Variants in GKN2 observed in about 807,000 individuals in gnomAD.
The protein encoded by GKN2 is gastrokine-2.
GKN2 carries 17 observed loss-of-function variants against 22.7 expected under a neutral mutation model. The ratio of observed to expected loss-of-function variants is 0.75; its 90% CI spans 0.51 to 1.13. The LOEUF is 1.13. GKN2 is among the 50% of genes most tolerant of loss of function. The pLI, the probability that GKN2 is intolerant of heterozygous loss-of-function variation, is 0.00. For synonymous variants in GKN2, 82 were observed against 79.6 expected (o/e 1.03, Z -0.16); for missense variants, 248 against 221.4 (o/e 1.12, Z -0.76).
At chr2:68,950,654 C>T (rs1250058426) in intron 2 of GKN2, 48 bp downstream of exon 2, 2 of 1,550,648 alleles carry the variant, frequency 1.3e-6, no homozygotes, top group Admixed American at 1.7e-5. Context: ...CCTTCCCTTT[C>T]CTCTCCCAAC....
chr2:68,946,998 A>C, intron 4 of GKN2, 149 bp downstream of exon 4: 1 of 574,518 alleles, frequency 1.7e-6, no homozygotes, highest in South Asian at 2.4e-5. Flanking sequence ...ATAAAAGTAA[A>C]AACACTTTAA....
At chr2:68,948,241 G>A (rs569942346) in intron 3 of GKN2, among the ~76,000 whole-genome samples, 1,007 of 50,802 alleles carry the variant, frequency 0.02, 18 homozygotes, top group African/African-American at 0.069. Flanking sequence ...GCGAGACTCC[G>A]TCAAAAAAAA....
In GKN2 at chr2:68,945,433, C is replaced by G. The variant is rs746670104; in HGVS notation, c.490G>C (p.Gly164Arg). 1 of 1,609,560 alleles carries G rather than the reference C, an allele frequency of 6.2e-7. No individual in the cohort carries two copies. Among genetic ancestry groups the G allele is most frequent in the South Asian group, 1.1e-5 (1 of 90,022 alleles). The change falls in exon 6 of 6, where the codon GGC (glycine) becomes CGC (arginine). Residue 164 changes from glycine (G) to arginine (R), a missense_variant. Transcript: ENST00000328895. ...VENTHNVGAGGCAKAGLLGIL... is the reference protein window; with the variant it reads ...VENTHNVGAGRCAKAGLLGIL... ...CCCAGGAGCCCAGCCTTTGCACAGC[C>G]TCCAGCACCGACATTATCTGGAAAA... is the stretch of plus-strand genomic sequence containing the variant.
rs190871432 is a variant in GKN2 at position 68,951,937 on chromosome 2, A to G, written c.12+913T>C. Among the ~76,000 whole-genome samples the G allele has an allele frequency of 4.0e-3, 604 of 152,362 alleles. 8 individuals carry two copies. The highest frequency in any genetic ancestry group is 2.6e-3 in the Non-Finnish European group (176 of 68,036). On this transcript the variant is annotated intron_variant, in intron 1 of 5. Coordinates refer to ENST00000328895, the MANE Select transcript of GKN2 (RefSeq NM_182536.3). ...TTTTGTGCTTCAGGGTTAGGTCTCA[A>G]TTTGGAAAATCAAGACAGCCCTGAG...
intron 4 of GKN2, among the ~76,000 whole-genome samples, chr2:68,946,871 A>C (rs1468538364): frequency 6.6e-6 from 1 of 152,244 alleles, no homozygotes; most frequent in African/African-American, 2.4e-5. Flanking sequence ...TGCTCTGAGA[A>C]GAGAAGCTGA....
Position 68,950,699 on chromosome 2 carries a change from C to T in GKN2, c.66+3G>A. 6.2e-7 allele frequency: 1 copy of T among 1,613,872 alleles called. No homozygotes were observed. The highest frequency in any genetic ancestry group is 1.1e-5 in the South Asian group (1 of 91,074). ...AGATAAAGTCCATAAGGAACCAACT[C>T]ACCTCGTATCCATGAGATTGTATCC... On this transcript the variant is annotated splice_donor_region_variant and intron_variant, in intron 2 of 5. Transcript: ENST00000328895.
In GKN2 at chr2:68,950,195, T is replaced by C; in HGVS notation, c.135A>G (p.Glu45=). Residue 45 remains glutamate, a synonymous_variant, in exon 3 of 6, where the codon GAA becomes GAG. Coordinates refer to ENST00000328895, the MANE Select transcript of GKN2 (RefSeq NM_182536.3). ...GGATGTTAATGATGGCGGTATTTTT[T>C]TCATTATCAATTGTCACTGTCTCCT... ...NVQETVTIDN[E]KNTAIINIHA... 6.2e-7 allele frequency: 1 copy of C among 1,614,014 alleles called. No individual in the cohort carries two copies. Among genetic ancestry groups the C allele is most frequent in the Non-Finnish European group, 8.5e-7 (1 of 1,179,862 alleles).
At chr2:68,950,059 A>G (rs1669832850) in intron 3 of GKN2, 67 bp downstream of exon 3, 2 of 1,326,830 alleles carry the variant, frequency 1.5e-6, no homozygotes, top group Admixed American at 4.2e-5. Flanking sequence ...TGCCCCATAT[A>G]TATATAGATC....
intron 5 of GKN2, 97 bp downstream of exon 5, chr2:68,946,207 C>T: frequency 9.7e-7 from 1 of 1,028,480 alleles, no homozygotes. Context: ...GAGTACTGTT[C>T]CCATTTATTT....
intron 4 of GKN2, among the ~76,000 whole-genome samples, 167 bp from the exon 5 acceptor site, chr2:68,946,627 T>G (rs1669769872): frequency 6.6e-6 from 1 of 152,194 alleles, no homozygotes; most frequent in African/African-American, 2.4e-5. Context: ...AGTAGCCTCA[T>G]TAGTAATTAC....
rs1230747766 is a variant in GKN2 at position 68,946,451 on chromosome 2, T to C, written c.325A>G (p.Asn109Asp). The C allele has an allele frequency of 1.2e-6, 2 of 1,608,260 alleles. No homozygotes were observed. Among genetic ancestry groups the C allele is most frequent in the East Asian group, 4.5e-5 (2 of 44,750 alleles). The change falls in exon 5 of 6, where the codon AAC (asparagine) becomes GAC (aspartate). Residue 109 changes from asparagine to aspartate, a missense_variant. Asn to Asp is a conservative substitution (Grantham distance 23). Transcript: ENST00000328895. ...WYIYEKQALD[N>D]MFSSKYTWVK... is the part of the protein sequence containing the mutation. ...CAGGTGTATTTGCTGGAGAACATGTTGTCCAGAGCCTAGATCGGTATAACA... is the reference window on the plus strand; with the variant it reads ...CAGGTGTATTTGCTGGAGAACATGTCGTCCAGAGCCTAGATCGGTATAACA...
At chr2:68,947,056 T>C in intron 4 of GKN2, 91 bp downstream of exon 4, 1 of 779,908 alleles carries the variant, frequency 1.3e-6, no homozygotes, top group Non-Finnish European at 2.3e-6. Context: ...CATGATAGTA[T>C]GATCTTCTCC....
chr2:68,950,354 T>C (rs1669838055), intron 2 of GKN2, 91 bp from the exon 3 acceptor site: 1 of 1,292,560 alleles, frequency 7.7e-7, no homozygotes, highest in African/African-American at 1.5e-5. Context: ...CTGCCTGCTA[T>C]GAACAAGGGA....
At chr2:68,950,062 T>C in intron 3 of GKN2, 64 bp downstream of exon 3, 2 of 1,403,366 alleles carry the variant, frequency 1.4e-6, no homozygotes, top group Non-Finnish European at 9.9e-7. Context: ...CCCATATATA[T>C]ATAGATCCCT....
chr2:68,946,097 C>G (rs1669760876), intron 5 of GKN2: 4 of 465,844 alleles, frequency 8.6e-6, no homozygotes, highest in Non-Finnish European at 1.5e-5. Context: ...CTTCACTAGA[C>G]TATGTGTTCC....
intron 1 of GKN2, among the ~76,000 whole-genome samples, chr2:68,952,316 G>A (rs1328078443): frequency 6.6e-6 from 1 of 152,152 alleles, no homozygotes; most frequent in Non-Finnish European, 1.5e-5. Context: ...TTACGGGCTT[G>A]GGAAAATCAC....
Position 68,950,264 on chromosome 2 carries a change from C to A in GKN2, c.67-1G>T. On this transcript the variant is annotated splice_acceptor_variant, in intron 2 of 5. Transcript: ENST00000328895. LOFTEE classifies it high-confidence loss of function. ...TGCTTGGGCTGATGATGTTAAAAACCTAGATTGAAAAGAAAGACAAAATGT... is the reference window on the plus strand; with the variant it reads ...TGCTTGGGCTGATGATGTTAAAAACATAGATTGAAAAGAAAGACAAAATGT... 6.2e-7 allele frequency: 1 copy of A among 1,600,986 alleles called. No homozygotes were observed. Among genetic ancestry groups the A allele is most frequent in the Non-Finnish European group, 8.5e-7 (1 of 1,176,070 alleles).
At chr2:68,951,981 T>C (rs1367182139) in intron 1 of GKN2, among the ~76,000 whole-genome samples, 1 of 152,244 alleles carries the variant, frequency 6.6e-6, no homozygotes, top group Non-Finnish European at 1.5e-5. Context: ...CTCTTTAAGC[T>C]GATAGTCTTT....
intron 5 of GKN2, chr2:68,945,800 A>G: frequency 4.4e-6 from 1 of 229,048 alleles, no homozygotes; most frequent in East Asian, 9.1e-5. Context: ...TTGTATAAAA[A>G]TGACAGTAAT....
Sources: allele counts gnomAD v4.1 joint callset (sites outside exome capture counted in the v4.1 genomes callset), GRCh38; gene constraint gnomAD v4.1.1; transcripts MANE v1.5; gene names NCBI Gene and HGNC (gene_info 2026-07-23, HGNC 2026-07-21).